The following SLC27A6 variants were observed in gnomAD, a reference collection of about 807,000 sequenced individuals.
SLC27A6 encodes the protein long-chain fatty acid transport protein 6.
In SLC27A6, 74 loss-of-function variants were observed where a neutral mutation model predicts 63.9. That is an observed-to-expected ratio of 1.16 (90% CI 0.96 to 1.40). The LOEUF is 1.40. Ranked by LOEUF, SLC27A6 falls within the 40% of genes most tolerant of loss-of-function variation. SLC27A6 has a pLI of 0.00. For missense variants in SLC27A6, 794 were observed against 732.9 expected (o/e 1.08, Z -0.96); for synonymous variants, 287 against 260.8 (o/e 1.10, Z -0.97).
Position 129,029,926 on chromosome 5 carries a change from C to T in SLC27A6, c.1683+219C>T, listed in dbSNP as rs908097036. Among the ~76,000 whole-genome samples, 6 of 152,116 alleles carry T rather than the reference C, an allele frequency of 3.9e-5. No individual in the cohort carries two copies. The East Asian group carries it at 1.2e-3, about 29-fold the overall frequency. ...TGTCTTTGTCCTAATTATAGAATTG[C>T]TCTCTTCCTCTTCAGTCAGGACCTC... On this transcript the variant is annotated intron_variant, in intron 9 of 9. Coordinates refer to ENST00000262462, the MANE Select transcript of SLC27A6 (RefSeq NM_001017372.3).
At chr5:129,013,634 A>G (rs970040537) in intron 4 of SLC27A6, among the ~76,000 whole-genome samples, 2 of 151,954 alleles carry the variant, frequency 1.3e-5, no homozygotes, top group Non-Finnish European at 2.9e-5. Context: ...GAAAATGTCC[A>G]ACTGTATTTC....
chr5:128,975,672 G>A (rs923414809), intron 1 of SLC27A6, among the ~76,000 whole-genome samples: 2 of 152,156 alleles, frequency 1.3e-5, no homozygotes, highest in African/African-American at 4.8e-5. Flanking sequence ...ATTACTATGT[G>A]TTAGCAGTAA....
chr5:128,989,954 T>G (rs893671587), intron 3 of SLC27A6, among the ~76,000 whole-genome samples: 2 of 150,772 alleles, frequency 1.3e-5, no homozygotes, highest in Non-Finnish European at 2.9e-5. Context: ...ATGTTGAGGC[T>G]GCTTTAAGGT....
chr5:128,968,824 A>G (rs556797673), intron 1 of SLC27A6, among the ~76,000 whole-genome samples: 4 of 152,152 alleles, frequency 2.6e-5, no homozygotes, highest in Non-Finnish European at 4.4e-5. Context: ...TGTTTTAGAC[A>G]TGAAGTCCTT....
chr5:129,003,764 G>T (rs1179713707), intron 4 of SLC27A6, among the ~76,000 whole-genome samples: 1 of 151,956 alleles, frequency 6.6e-6, no homozygotes, highest in Non-Finnish European at 1.5e-5. Context: ...GAGCCCAGGG[G>T]TTCAAGACCA....
chr5:129,011,421 C>T (rs982897576), intron 4 of SLC27A6, among the ~76,000 whole-genome samples: 6 of 152,188 alleles, frequency 3.9e-5, no homozygotes, highest in African/African-American at 1.2e-4. Flanking sequence ...AGCATATTCT[C>T]ATATACTTAC....
chr5:129,017,262 G>A (rs1161759279), intron 5 of SLC27A6, among the ~76,000 whole-genome samples: 1 of 151,988 alleles, frequency 6.6e-6, no homozygotes, highest in East Asian at 1.9e-4. Context: ...CAGTTTAATT[G>A]TTGGTAGAAA....
At chr5:128,978,920 G>A (rs1274627280) in intron 1 of SLC27A6, among the ~76,000 whole-genome samples, 1 of 152,056 alleles carries the variant, frequency 6.6e-6, no homozygotes, top group Non-Finnish European at 1.5e-5. Context: ...AGAATTGCCT[G>A]CAGTGTTTTC....
At chr5:128,990,710 C>T (rs1337624648) in intron 4 of SLC27A6, among the ~76,000 whole-genome samples, 2 of 152,094 alleles carry the variant, frequency 1.3e-5, no homozygotes, top group Non-Finnish European at 2.9e-5. Context: ...AACCTTGGGC[C>T]ATGCGGTGAG....
intron 2 of SLC27A6, among the ~76,000 whole-genome samples, chr5:128,985,884 G>T (rs1305081073): frequency 6.6e-6 from 1 of 152,122 alleles, no homozygotes; most frequent in East Asian, 1.9e-4. Flanking sequence ...TTTTGGTCAG[G>T]GTAATTGAAT....
At chr5:128,994,806 G>T (rs147589330) in intron 4 of SLC27A6, among the ~76,000 whole-genome samples, 76 of 152,266 alleles carry the variant, frequency 5.0e-4, no homozygotes, top group African/African-American at 1.8e-3. Flanking sequence ...GTTGCACAAA[G>T]ACTCCCTAGG....
At chr5:128,995,637 G>C (rs1323308211) in intron 4 of SLC27A6, among the ~76,000 whole-genome samples, 1 of 152,150 alleles carries the variant, frequency 6.6e-6, no homozygotes, top group Non-Finnish European at 1.5e-5. Flanking sequence ...TCCAGGCACA[G>C]AAAAGCTGGG....
chr5:129,033,311 T>C lies in SLC27A6; in HGVS notation c.*29T>C. On this transcript the variant is annotated 3_prime_UTR_variant, in exon 10 of 10. Transcript: ENST00000262462. ...TTTTATATCTAGAACTTTCATATGC[T>C]TTCTTAGGAAGAGTGAGAGGGGGGT... The C allele has an allele frequency of 1.4e-6, 2 of 1,405,704 alleles. No individual in the cohort carries two copies. The highest frequency in any genetic ancestry group is 1.9e-6 in the Non-Finnish European group (2 of 1,030,452). 87.1% of individuals were successfully genotyped at this position (1,405,704 alleles called of 1,614,324 possible).
chr5:129,002,259 A>G (rs1367193416), intron 4 of SLC27A6, among the ~76,000 whole-genome samples: 2 of 152,272 alleles, frequency 1.3e-5, no homozygotes, highest in African/African-American at 4.8e-5. Context: ...ACATATAAGC[A>G]TCTGACAAAT....
At chr5:128,988,351 G>A (rs932600332) in intron 2 of SLC27A6, among the ~76,000 whole-genome samples, 4 of 152,176 alleles carry the variant, frequency 2.6e-5, no homozygotes, top group African/African-American at 7.2e-5. Flanking sequence ...AAAGGCCAAC[G>A]ATAAAATTAC....
intron 2 of SLC27A6, among the ~76,000 whole-genome samples, chr5:128,987,905 T>G (rs890883822): frequency 5.3e-5 from 8 of 152,088 alleles, no homozygotes; most frequent in African/African-American, 1.7e-4. Context: ...TATCTAGAAC[T>G]ATAAGACCTG....
intron 1 of SLC27A6, among the ~76,000 whole-genome samples, chr5:128,973,270 A>G (rs2526251): frequency 0.24 from 36,713 of 152,088 alleles, 4,983 homozygotes; most frequent in Middle Eastern, 0.33. Context: ...TCAGATTTCA[A>G]ACTCCCTGCT....
intron 1 of SLC27A6, among the ~76,000 whole-genome samples, chr5:128,973,028 A>G (rs1368881579): frequency 6.6e-6 from 1 of 152,146 alleles, no homozygotes; most frequent in African/African-American, 2.4e-5. Context: ...CAGGACCCTC[A>G]GCTGCAGGTC....
chr5:128,992,291 A>G (rs1040233787), intron 4 of SLC27A6, among the ~76,000 whole-genome samples: 4 of 151,932 alleles, frequency 2.6e-5, no homozygotes, highest in African/African-American at 9.7e-5. Flanking sequence ...CTCTGCCATC[A>G]TCACATCTGC....
Sources: gnomAD v4.1 joint callset for allele counts (sites outside exome capture counted in the v4.1 genomes callset) on GRCh38, gnomAD v4.1.1 for gene constraint, MANE v1.5 for transcripts, NCBI Gene and HGNC (gene_info 2026-07-23, HGNC 2026-07-21) for gene names.